The following ANKRD50 variants were observed in gnomAD, a reference collection of about 807,000 sequenced individuals.
ANKRD50 encodes ankyrin repeat domain-containing protein 50.
A neutral mutation model predicts 112.0 loss-of-function variants in ANKRD50; 40 were observed. The ratio of observed to expected loss-of-function variants is 0.36; its 90% confidence interval spans 0.28 to 0.46. The LOEUF (loss-of-function observed/expected upper bound fraction) is 0.46. Among genes scored for constraint, ANKRD50 ranks in the 20% least tolerant of loss-of-function variants. The pLI, the probability that ANKRD50 is intolerant of heterozygous loss-of-function variation, is 1.00. For missense variants in ANKRD50, 1,487 were observed against 1,701.7 expected (o/e 0.87, Z 2.22); for synonymous variants, 613 against 619.1 (o/e 0.99, Z 0.15).
rs1435009352 is a variant in ANKRD50 at position 124,666,997 on chromosome 4, G to T, written c.*521C>A. ...AAATGATTTTTATCCAATGCTGAAG[G>T]TGTAGTGAACATAGAACAGTTGCAA... On this transcript the variant is annotated 3_prime_UTR_variant, in exon 5 of 5. Transcript: ENST00000504087. The T allele has an allele frequency of 1.3e-5, 2 of 151,800 alleles. No individual in the cohort carries two copies. Among genetic ancestry groups the T allele is most frequent in the Non-Finnish European group, 2.9e-5 (2 of 67,914 alleles). 9.4% of individuals were successfully genotyped at this position (151,800 alleles called of 1,614,324 possible). A position where few individuals can be genotyped will look rare whatever the true frequency, so the allele number is the denominator to read the frequency against.
Position 124,678,736 on chromosome 4 carries a change from A to G in ANKRD50, c.682T>C (p.Trp228Arg). ...CGGGCAGAACAGAGAAGCAATAGCCATGGTGGAAAGAACTCATGGTGACCA... is the reference window on the plus strand; with the variant it reads ...CGGGCAGAACAGAGAAGCAATAGCCGTGGTGGAAAGAACTCATGGTGACCA... Reference protein sequence around the residue: ...LAGHHEFFPPWLLLLCSARKQ... With the variant: ...LAGHHEFFPPRLLLLCSARKQ... The change falls in exon 3 of 5, where the codon TGG (tryptophan) becomes CGG (arginine). Residue 228 changes from tryptophan (W) to arginine (R), a missense_variant. Around this residue, in one of 2 missense-constraint regions of ANKRD50, gnomAD observed 1,046 missense variants for 1,269.5 expected, o/e 0.82. Transcript: ENST00000504087. 1.9e-6 allele frequency: 3 copies of G among 1,613,922 alleles called. No individual in the cohort carries two copies. The highest frequency in any genetic ancestry group is 2.5e-6 in the Non-Finnish European group (3 of 1,179,804).
rs1730459449 is a variant in ANKRD50, at chr4:124,665,187, AT to A, written c.*2330del. 6.6e-6 allele frequency: 1 copy of A among 152,240 alleles called. No individual in the cohort carries two copies. Among genetic ancestry groups the A allele is most frequent in the South Asian group, 2.1e-4 (1 of 4,830 alleles). 9.4% of individuals were successfully genotyped at this position (152,240 alleles called of 1,614,324 possible). ...GCAGGGCATCTCCAGCACCCATCCT[AT>A]CATCCTTATCCTAACTCAAAGTCAT... On this transcript the variant is annotated 3_prime_UTR_variant, in exon 5 of 5. Coordinates refer to ENST00000504087, the MANE Select transcript of ANKRD50 (RefSeq NM_020337.3).
At chr4:124,673,648 C>G (rs1053254868) in intron 3 of ANKRD50, among the ~76,000 whole-genome samples, 2 of 152,062 alleles carry the variant, frequency 1.3e-5, no homozygotes, top group Non-Finnish European at 2.9e-5. Flanking sequence ...AAAGCTGACA[C>G]TAACTTGTGG....
At chr4:124,668,624 T>A (rs1042988789) in intron 4 of ANKRD50, among the ~76,000 whole-genome samples, 17 of 152,194 alleles carry the variant, frequency 1.1e-4, no homozygotes, top group African/African-American at 4.1e-4. Flanking sequence ...AACAAATTTT[T>A]ACTGGGAAAC....
At chr4:124,711,671 T>C (rs947659841) in intron 1 of ANKRD50, among the ~76,000 whole-genome samples, 2 of 152,032 alleles carry the variant, frequency 1.3e-5, no homozygotes, top group African/African-American at 4.8e-5. Flanking sequence ...AGTCAAGGAC[T>C]GTCTACTCCT....
At chr4:124,683,098 T>TAC (rs1437352792) in intron 2 of ANKRD50, among the ~76,000 whole-genome samples, 2 of 151,862 alleles carry the variant, frequency 1.3e-5, no homozygotes, top group Non-Finnish European at 2.9e-5. Flanking sequence ...TGTATATATA[T>TAC]ACCCATATAT....
At position 124,669,430 on chromosome 4, in the gene ANKRD50, C is replaced by T; in HGVS notation, c.3847G>A (p.Gly1283Arg). ...SENSAKSGSA[G>R]KKAKQSNSSQ... The stretch of plus-strand genomic sequence containing the variant: ...GAATTACTTTGTTTCGCTTTTTTCC[C>T]AGCTGATCCAGACTTGGCAGAATTT... Residue 1283 changes from glycine to arginine, a missense_variant, in exon 4 of 5, where the codon GGG (glycine) becomes AGG (arginine). By Grantham distance (125) the Gly-to-Arg change is moderately radical. This residue lies in a region of ANKRD50 where 441 missense variants were observed against 432.2 expected (regional missense o/e 1.02). Transcript: ENST00000504087. 1 of 1,612,628 alleles carries T rather than the reference C, an allele frequency of 6.2e-7. No homozygotes were observed. The highest frequency in any genetic ancestry group is 8.5e-7 in the Non-Finnish European group (1 of 1,179,624).
In ANKRD50 at chr4:124,664,250, G is replaced by GGC. The variant is rs1013198594; in HGVS notation, c.*3267_*3268insGC. 4 of 151,604 alleles carry GGC rather than the reference G, an allele frequency of 2.6e-5. No homozygotes were observed. Among genetic ancestry groups the GGC allele is most frequent in the African/African-American group, 9.7e-5 (4 of 41,280 alleles). 9.4% of individuals were successfully genotyped at this position (151,604 alleles called of 1,614,324 possible). A position where few individuals can be genotyped will look rare whatever the true frequency, so the allele number is the denominator to read the frequency against. On this transcript the variant is annotated 3_prime_UTR_variant, in exon 5 of 5. Transcript: ENST00000504087. ...ATATAGTATATAATCAGTCACGGGG[G>GGC]GGAAAAGAACATTAAGTCTTTAAAA... is the stretch of plus-strand genomic sequence containing the variant.
In ANKRD50 at chr4:124,665,005, G is replaced by T. The variant is rs1440584798; in HGVS notation, c.*2513C>A. Reference sequence around the variant, plus strand: ...GTTATAAGCACATGCCATCATAGTTGTGTAGTGGCAACAGCTGATTTATAA... The same window carrying T: ...GTTATAAGCACATGCCATCATAGTTTTGTAGTGGCAACAGCTGATTTATAA... On this transcript the variant is annotated 3_prime_UTR_variant, in exon 5 of 5. Transcript: ENST00000504087. The T allele has an allele frequency of 1.3e-5, 2 of 151,918 alleles. No individual in the cohort carries two copies. The highest frequency in any genetic ancestry group is 2.9e-5 in the Non-Finnish European group (2 of 67,872). The allele number at this position is 151,918 out of a possible 1,614,324, so 9.4% of individuals were successfully genotyped here. A position where few individuals can be genotyped will look rare whatever the true frequency, so the allele number is the denominator to read the frequency against.
At chr4:124,674,495 T>C (rs899250566) in intron 3 of ANKRD50, among the ~76,000 whole-genome samples, 3 of 151,944 alleles carry the variant, frequency 2.0e-5, no homozygotes, top group East Asian at 1.9e-4. Flanking sequence ...GCCTGGGAGA[T>C]AAATATTTCT....
Position 124,710,035 on chromosome 4 carries a change from C to A in ANKRD50, c.477G>T (p.Gly159=). 4.3e-6 allele frequency: 7 copies of A among 1,614,084 alleles called. No individual in the cohort carries two copies. The highest frequency in any genetic ancestry group is 5.9e-6 in the Non-Finnish European group (7 of 1,180,006). The part of the protein sequence containing the change: ...DPAVQSLLQP[G]ECERNPAEAF... ...CTTCGGCTGGGTTTCTCTCGCACTC[C>A]CCAGGCTGTAAGAGGCTTTGGACTG... The change falls in exon 2 of 5, where the codon GGG becomes GGT. Residue 159 remains glycine (G), a synonymous_variant. Transcript: ENST00000504087.
At chr4:124,674,937 T>C (rs1222528837) in intron 3 of ANKRD50, among the ~76,000 whole-genome samples, 2 of 151,760 alleles carry the variant, frequency 1.3e-5, no homozygotes, top group African/African-American at 2.4e-5. Flanking sequence ...GTACTGAAAA[T>C]AATTACTTTT....
At chr4:124,687,521 A>T (rs1346225529) in intron 2 of ANKRD50, among the ~76,000 whole-genome samples, 2 of 152,158 alleles carry the variant, frequency 1.3e-5, no homozygotes, top group Non-Finnish European at 2.9e-5. Flanking sequence ...GAAAAAAAAA[A>T]TTGAAAACTT....
Position 124,682,792 on chromosome 4 carries a change from T to C in ANKRD50, c.513-3887A>G, listed in dbSNP as rs547038538. 1.3e-3 allele frequency among the ~76,000 whole-genome samples: 194 copies of C among 152,244 alleles called. 1 individual carries two copies. Among genetic ancestry groups the C allele is most frequent in the African/African-American group, 4.6e-3 (191 of 41,564 alleles). Reference sequence around the variant, plus strand: ...CTTTATATGTGAAGTGAAATTTTTATAGGCAACATATAATTAAATCTTGTA... The same window carrying C: ...CTTTATATGTGAAGTGAAATTTTTACAGGCAACATATAATTAAATCTTGTA... On this transcript the variant is annotated intron_variant, in intron 2 of 4. Transcript: ENST00000504087.
Position 124,669,167 on chromosome 4 carries a change from C to G in ANKRD50, c.4110G>C (p.Gln1370His). The change falls in exon 4 of 5, where the codon CAG becomes CAC. Residue 1370 changes from glutamine to histidine, a missense_variant. This residue lies in a region of ANKRD50 where 441 missense variants were observed against 432.2 expected (regional missense o/e 1.02). Transcript: ENST00000504087. The stretch of plus-strand genomic sequence containing the variant: ...CCCTACCAAGAAAAACCTGGTTGCT[C>G]TGAAGATGATAATTTGGATTTGTCA... ...GIMTNPNYHL[Q>H]SNQVFLGRVS... 6.2e-7 allele frequency: 1 copy of G among 1,613,668 alleles called. No homozygotes were observed. The highest frequency in any genetic ancestry group is 2.2e-5 in the East Asian group (1 of 44,832).
In ANKRD50 at chr4:124,670,690, A is replaced by G. The variant is rs1467130256; in HGVS notation, c.2587T>C (p.Cys863Arg). The change falls in exon 4 of 5, where the codon TGT (cysteine) becomes CGT (arginine). Residue 863 changes from cysteine (C) to arginine (R), a missense_variant. Physicochemically the swap from Cys to Arg is radical, Grantham distance 180 (BLOSUM62 -3). This residue lies in a region of ANKRD50 where 1,046 missense variants were observed against 1,269.5 expected (regional missense o/e 0.82). Transcript: ENST00000504087. ...GCACCTTGTTCAATAAGTGCTTCAC[A>G]TATCAATCTGTGCCCTTCAAAAGCT... ...MAAFEGHRLI[C>R]EALIEQGART... 6 of 1,613,162 alleles carry G rather than the reference A, an allele frequency of 3.7e-6. No individual in the cohort carries two copies. The highest frequency in any genetic ancestry group is 5.1e-6 in the Non-Finnish European group (6 of 1,179,708).
chr4:124,692,068 A>G (rs1425537039), intron 2 of ANKRD50, among the ~76,000 whole-genome samples: 1 of 152,230 alleles, frequency 6.6e-6, no homozygotes, highest in Non-Finnish European at 1.5e-5. Context: ...AATTACCTTC[A>G]GGCTATATGT....
chr4:124,672,859 T>C (rs1730694731), intron 3 of ANKRD50, among the ~76,000 whole-genome samples: 2 of 152,026 alleles, frequency 1.3e-5, no homozygotes, highest in African/African-American at 4.8e-5. Context: ...CCAGTTAACA[T>C]CATCTGAACT....
In ANKRD50 at chr4:124,670,846, C is replaced by T. The variant is rs746316320; in HGVS notation, c.2431G>A (p.Asp811Asn). The change falls in exon 4 of 5, where the codon GAT becomes AAT. Residue 811 changes from aspartate to asparagine, a missense_variant. Physicochemically the swap from Asp to Asn is conservative, Grantham distance 23. Transcript: ENST00000504087. Reference sequence around the variant, plus strand: ...CTGAGGACTGTCCTACCTTCACTATCAATACTATCCACAGCTGCACCCCAA... The same window carrying T: ...CTGAGGACTGTCCTACCTTCACTATTAATACTATCCACAGCTGCACCCCAA... ...LFWGAAVDSI[D>N]SEGRTVLSIA... 2 of 1,613,850 alleles carry T rather than the reference C, an allele frequency of 1.2e-6. No individual in the cohort carries two copies. The highest frequency in any genetic ancestry group is 1.7e-6 in the Non-Finnish European group (2 of 1,179,884).
Sources: allele counts gnomAD v4.1 joint callset (sites outside exome capture counted in the v4.1 genomes callset), GRCh38; gene constraint gnomAD v4.1.1; regional missense constraint gnomAD v4.1.1; transcripts MANE v1.5; gene names NCBI Gene and HGNC (gene_info 2026-07-23, HGNC 2026-07-21).